The following ULK4 variants were observed in gnomAD, a reference collection of about 807,000 sequenced individuals.
The protein encoded by ULK4 is inactive serine/threonine-protein kinase ULK4.
In ULK4, 133 loss-of-function variants were observed where a neutral mutation model predicts 160.6. The ratio of observed to expected loss-of-function variants is 0.83; its 90% CI spans 0.72 to 0.96. The LOEUF is 0.96. ULK4 is among the 40% of genes least tolerant of loss of function. The pLI is 0.00. For synonymous variants in ULK4, 534 were observed against 539.8 expected, an observed-to-expected ratio of 0.99 and a Z score of 0.15; for missense variants, 1,580 against 1,499.5, an observed-to-expected ratio of 1.05 and a Z score of -0.89.
At chr3:41,787,575 A>G (rs2040033562) in intron 21 of ULK4, among the ~76,000 whole-genome samples, 1 of 152,150 alleles carries the variant, frequency 6.6e-6, no homozygotes, top group Admixed American at 6.6e-5. Flanking sequence ...TTCAAATAAC[A>G]TCCACCACCA....
chr3:41,735,158 C>T (rs375919773), intron 22 of ULK4, among the ~76,000 whole-genome samples: 4 of 152,068 alleles, frequency 2.6e-5, no homozygotes, highest in African/African-American at 4.8e-5. Flanking sequence ...AATCAGATAG[C>T]GGATAAGCTA....
At chr3:41,404,189 C>T (rs893969068) in intron 34 of ULK4, among the ~76,000 whole-genome samples, 29 of 146,124 alleles carry the variant, frequency 2.0e-4, no homozygotes, top group African/African-American at 7.0e-4. Flanking sequence ...CCCCAACTAT[C>T]ATTGTTGATT....
Position 41,453,295 on chromosome 3 carries a change from C to T in ULK4, c.3492+2202G>A, listed in dbSNP as rs116654930. Among the ~76,000 whole-genome samples the T allele has an allele frequency of 8.0e-3, 1,211 of 152,236 alleles. 15 individuals carry two copies. The highest frequency in any genetic ancestry group is 0.026 in the African/African-American group (1,087 of 41,538). ...GGCTCAAGCAATCCTCAAGCCTCAG[C>T]CTCCCAAGTAGCTAGAACTACAGGT... On this transcript the variant is annotated intron_variant, in intron 34 of 36. Transcript: ENST00000301831.
chr3:41,645,177 T>C (rs557395574), intron 30 of ULK4, among the ~76,000 whole-genome samples: 1 of 149,666 alleles, frequency 6.7e-6, no homozygotes, highest in East Asian at 1.9e-4. Context: ...GAAGGGTTTT[T>C]TGTGTCGTAT....
chr3:41,623,844 T>C (rs1177012312), intron 30 of ULK4, among the ~76,000 whole-genome samples: 1 of 152,146 alleles, frequency 6.6e-6, no homozygotes, highest in South Asian at 2.1e-4. Flanking sequence ...CACAAAGAAA[T>C]GATAGCACGT....
rs147815331 is a variant in ULK4 at position 41,363,796 on chromosome 3, A to C, written c.3678+34283T>G. Among the ~76,000 whole-genome samples the C allele has an allele frequency of 7.4e-3, 1,121 of 152,264 alleles. 14 individuals carry two copies. The highest frequency in any genetic ancestry group is 0.026 in the African/African-American group (1,079 of 41,538). On this transcript the variant is annotated intron_variant, in intron 35 of 36. Coordinates refer to ENST00000301831, the MANE Select transcript of ULK4 (RefSeq NM_017886.4). ...CTCTGTGACAAGCACTATGACAAAC[A>C]CTTTGAATATCTATCTGCTGTAATC...
intron 30 of ULK4, among the ~76,000 whole-genome samples, chr3:41,651,976 T>C (rs549804167): frequency 7.3e-4 from 111 of 152,128 alleles, no homozygotes; most frequent in African/African-American, 2.5e-3. Context: ...ACTGAACCCA[T>C]GAAAGCCAGA....
chr3:41,458,379 A>G (rs778250991), intron 33 of ULK4, among the ~76,000 whole-genome samples: 15 of 152,168 alleles, frequency 9.9e-5, no homozygotes, highest in Admixed American at 2.6e-4. Flanking sequence ...TAAGTGTTGA[A>G]TTGATCTGAG....
chr3:41,831,531 A>ATATATATATATATATATTTTTTTTTTT, intron 18 of ULK4, among the ~76,000 whole-genome samples: 10 of 138,118 alleles, frequency 7.2e-5, no homozygotes, highest in African/African-American at 2.3e-4. Context: ...ATATATATAT[A>ATATATATATATATATATTTTTTTTTTT]TTTTTTTTTC....
chr3:41,775,899 A>G (rs996727268), intron 21 of ULK4, among the ~76,000 whole-genome samples: 1 of 150,956 alleles, frequency 6.6e-6, no homozygotes, highest in Non-Finnish European at 1.5e-5. Flanking sequence ...ACAAGGATAT[A>G]AGTTTAATTA....
chr3:41,380,893 G>C lies in ULK4; in HGVS notation c.3678+17186C>G, dbSNP rs572031381. On this transcript the variant is annotated intron_variant, in intron 35 of 36. Transcript: ENST00000301831. ...CATTCACTTTGCTGTAACTGAAACTGGGCTTTTCCCGCGTGATATGCTCCT... is the reference window on the plus strand; with the variant it reads ...CATTCACTTTGCTGTAACTGAAACTCGGCTTTTCCCGCGTGATATGCTCCT... 2.6e-4 allele frequency among the ~76,000 whole-genome samples: 40 copies of C among 152,186 alleles called. No homozygotes were observed. The South Asian group carries it at 7.9e-3, about 30-fold the overall frequency.
chr3:41,291,088 T>C (rs2079552242), intron 35 of ULK4, among the ~76,000 whole-genome samples: 1 of 152,076 alleles, frequency 6.6e-6, no homozygotes, highest in Non-Finnish European at 1.5e-5. Flanking sequence ...GCGGTGATCC[T>C]TGCAAGTCCC....
At chr3:41,588,682 T>C (rs1171572268) in intron 31 of ULK4, among the ~76,000 whole-genome samples, 1 of 152,220 alleles carries the variant, frequency 6.6e-6, no homozygotes, top group African/African-American at 2.4e-5. Context: ...TATAATGTGA[T>C]TTATACCAAT....
At chr3:41,935,448 C>G (rs923460014) in intron 4 of ULK4, among the ~76,000 whole-genome samples, 1 of 151,832 alleles carries the variant, frequency 6.6e-6, no homozygotes, top group Non-Finnish European at 1.5e-5. Flanking sequence ...CCAGGATGGT[C>G]TCCATCTCTT....
chr3:41,464,072 G>A (rs934659540), intron 32 of ULK4, among the ~76,000 whole-genome samples: 6 of 151,326 alleles, frequency 4.0e-5, no homozygotes, highest in African/African-American at 4.8e-5. Flanking sequence ...GGAAAAGCAC[G>A]GCAAGGAAGT....
chr3:41,824,248 C>T (rs1017300825), intron 18 of ULK4, among the ~76,000 whole-genome samples: 37 of 151,376 alleles, frequency 2.4e-4, no homozygotes, highest in African/African-American at 7.8e-4. Flanking sequence ...GCGATGCAGA[C>T]GATGGGTGAT....
At position 41,547,375 on chromosome 3, in the gene ULK4, G is replaced by A. The variant is rs146184008; in HGVS notation, c.3226+18650C>T. ...TAGAATTCAGCAGGGAAGGGACAGG[G>A]AACATCTGAGGCACAGAAAGAGAAG... On this transcript the variant is annotated intron_variant, in intron 32 of 36. Transcript: ENST00000301831. Among the ~76,000 whole-genome samples the A allele has an allele frequency of 1.5e-3, 223 of 152,254 alleles. 3 individuals are homozygous for A. The East Asian group carries it at 0.042, about 28-fold the overall frequency.
intron 18 of ULK4, among the ~76,000 whole-genome samples, chr3:41,833,282 T>G (rs540556754): frequency 3.0e-4 from 43 of 141,688 alleles, no homozygotes; most frequent in African/African-American, 1.2e-3. Flanking sequence ...TTGTTTTTTT[T>G]TTTGTTTTTT....
At chr3:41,583,609 A>G (rs960426721) in intron 31 of ULK4, among the ~76,000 whole-genome samples, 1 of 152,226 alleles carries the variant, frequency 6.6e-6, no homozygotes, top group Non-Finnish European at 1.5e-5. Context: ...GGGCAGCCAG[A>G]ATCATGCACA....
Sources: allele counts gnomAD v4.1 joint callset (sites outside exome capture counted in the v4.1 genomes callset), GRCh38; gene constraint gnomAD v4.1.1; transcripts MANE v1.5; gene names NCBI Gene and HGNC (gene_info 2026-07-23, HGNC 2026-07-21).